Variants in PREX2 observed in about 807,000 individuals in gnomAD.
PREX2 encodes phosphatidylinositol 3,4,5-trisphosphate-dependent Rac exchanger 2 protein.
A neutral mutation model predicts 203.2 loss-of-function variants in PREX2; 107 were observed. The observed-to-expected ratio is 0.53, with a 90% CI of 0.45 to 0.62. The LOEUF is 0.62. Ranked by LOEUF, PREX2 falls within the 20% of genes least tolerant of loss-of-function variation. PREX2 has a pLI of 0.00. For missense variants in PREX2, 1,777 were observed against 1,955.9 expected (o/e 0.91, Z 1.72); for synonymous variants, 672 against 663.6 (o/e 1.01, Z -0.19).
chr8:68,098,651 T>C lies in PREX2; in HGVS notation c.2554-1031T>C, dbSNP rs965433482. Among the ~76,000 whole-genome samples, 3 of 151,996 alleles carry C rather than the reference T, an allele frequency of 2.0e-5. No individual in the cohort carries two copies. The East Asian group carries it at 5.8e-4, about 29-fold the overall frequency. On this transcript the variant is annotated intron_variant, in intron 22 of 39. Coordinates refer to ENST00000288368, the MANE Select transcript of PREX2 (RefSeq NM_024870.4). ...CTATATATGACAGCATATGAACTAG[T>C]ATTACAAATATCACTTGGATTTTAC...
intron 14 of PREX2, among the ~76,000 whole-genome samples, chr8:68,073,505 A>C (rs963237650): frequency 6.6e-6 from 1 of 152,164 alleles, no homozygotes; most frequent in Non-Finnish European, 1.5e-5. Flanking sequence ...TCATCTGTAC[A>C]CACATATTTT....
chr8:67,967,740 CT>C (rs1438918120), intron 1 of PREX2, among the ~76,000 whole-genome samples: 1 of 152,146 alleles, frequency 6.6e-6, no homozygotes, highest in Admixed American at 6.5e-5. Flanking sequence ...GTATGAGGTG[CT>C]TTCATACATT....
At chr8:68,119,081 A>G (rs1810715100) in intron 27 of PREX2, among the ~76,000 whole-genome samples, 1 of 152,224 alleles carries the variant, frequency 6.6e-6, no homozygotes, top group African/African-American at 2.4e-5. Flanking sequence ...TAATTATCTT[A>G]TAAATATATT....
chr8:68,120,524 T>C (rs995538081), intron 29 of PREX2, among the ~76,000 whole-genome samples: 2 of 152,176 alleles, frequency 1.3e-5, no homozygotes, highest in Non-Finnish European at 2.9e-5. Flanking sequence ...GGGGCCAGGC[T>C]GAGCAAAAAT....
intron 36 of PREX2, 109 bp downstream of exon 36, chr8:68,191,897 G>C (rs1812301331): frequency 1.4e-6 from 1 of 718,074 alleles, no homozygotes; most frequent in South Asian, 1.8e-5. Context: ...TTTAATCTAA[G>C]TAGGGAGCTA....
At chr8:68,191,690 C>T (rs1265584989) in intron 35 of PREX2, 32 bp from the exon 36 acceptor site, 2 of 1,502,900 alleles carry the variant, frequency 1.3e-6, no homozygotes, top group South Asian at 1.2e-5. Context: ...TTCCTAACAA[C>T]AAATGATAAT....
At chr8:68,132,977 G>A (rs1191199864) in intron 31 of PREX2, among the ~76,000 whole-genome samples, 3 of 152,130 alleles carry the variant, frequency 2.0e-5, no homozygotes, top group Non-Finnish European at 4.4e-5. Flanking sequence ...GGGTGTATTG[G>A]TCTATTTTCT....
intron 37 of PREX2, among the ~76,000 whole-genome samples, chr8:68,207,459 G>T (rs1812652193): frequency 6.6e-6 from 1 of 152,072 alleles, no homozygotes; most frequent in Admixed American, 6.6e-5. Context: ...CACACATTAG[G>T]AATTCATGTA....
intron 6 of PREX2, among the ~76,000 whole-genome samples, chr8:68,033,229 A>G (rs1807938851): frequency 3.3e-5 from 5 of 152,176 alleles, no homozygotes; most frequent in Admixed American, 3.3e-4. Context: ...TGCAAAACAT[A>G]TGACAGTGAG....
intron 31 of PREX2, among the ~76,000 whole-genome samples, chr8:68,133,636 T>C (rs1162788026): frequency 6.6e-6 from 1 of 152,218 alleles, no homozygotes; most frequent in African/African-American, 2.4e-5. Context: ...TTTAAAATTG[T>C]ATTAATAATA....
intron 1 of PREX2, among the ~76,000 whole-genome samples, chr8:67,981,108 T>C (rs1806255843): frequency 6.6e-6 from 1 of 152,176 alleles, no homozygotes; most frequent in Admixed American, 6.5e-5. Context: ...GAAAGTACAA[T>C]TTAAAGCATA....
chr8:68,101,160 G>A (rs1218780217), intron 23 of PREX2, among the ~76,000 whole-genome samples: 1 of 152,084 alleles, frequency 6.6e-6, no homozygotes, highest in East Asian at 1.9e-4. Context: ...ATGAATATGT[G>A]TTAAGTATAT....
At position 68,126,907 on chromosome 8, in the gene PREX2, CGT is replaced by C. The variant is rs929548671; in HGVS notation, c.3725-462_3725-461del. On this transcript the variant is annotated intron_variant, in intron 30 of 39. Coordinates refer to ENST00000288368, the MANE Select transcript of PREX2 (RefSeq NM_024870.4). ...TGTGTAATATATATATACATATATA[CGT>C]GTGTGTGTATATATATATACACACA... 4.0e-5 allele frequency among the ~76,000 whole-genome samples: 6 copies of C among 150,018 alleles called. No individual in the cohort carries two copies. In the East Asian group the frequency reaches 7.8e-4, roughly 19 times the overall value.
chr8:68,206,619 A>G (rs1354484712), intron 37 of PREX2, among the ~76,000 whole-genome samples: 1 of 152,226 alleles, frequency 6.6e-6, no homozygotes, highest in East Asian at 1.9e-4. Flanking sequence ...TGAATTCAAG[A>G]CTAGGGTTTT....
At chr8:68,076,282 G>A (rs1043257012) in intron 14 of PREX2, among the ~76,000 whole-genome samples, 1 of 151,862 alleles carries the variant, frequency 6.6e-6, no homozygotes, top group Non-Finnish European at 1.5e-5. Context: ...CATGATGAAA[G>A]CCCGTCTCTA....
Position 68,119,488 on chromosome 8 carries a change from A to T in PREX2, c.3478A>T (p.Ser1160Cys). The T allele has an allele frequency of 6.2e-7, 1 of 1,613,730 alleles. No individual in the cohort carries two copies. Among genetic ancestry groups the T allele is most frequent in the African/African-American group, 1.3e-5 (1 of 75,048 alleles). ...TCATGATAAACAGGACAAGATACATAGTTGCCTTGAGCATCTTTTCAGCCA... is the reference window on the plus strand; with the variant it reads ...TCATGATAAACAGGACAAGATACATTGTTGCCTTGAGCATCTTTTCAGCCA... Reference protein sequence around the residue: ...ISHDKQDKIHSCLEHLFSQVD... With the variant: ...ISHDKQDKIHCCLEHLFSQVD... Residue 1160 changes from serine (S) to cysteine (C), a missense_variant, in exon 28 of 40, where the codon AGT becomes TGT. Coordinates refer to ENST00000288368, the MANE Select transcript of PREX2 (RefSeq NM_024870.4).
At chr8:68,028,456 A>G (rs1458301040) in intron 5 of PREX2, among the ~76,000 whole-genome samples, 1 of 152,100 alleles carries the variant, frequency 6.6e-6, no homozygotes, top group Non-Finnish European at 1.5e-5. Flanking sequence ...TTGCTTTTTA[A>G]GAAATAAATG....
At chr8:68,045,473 T>C (rs879841745) in intron 8 of PREX2, among the ~76,000 whole-genome samples, 1 of 152,140 alleles carries the variant, frequency 6.6e-6, no homozygotes, top group Admixed American at 6.6e-5. Context: ...AGAATATTTA[T>C]AATCTGTCAG....
Position 68,087,802 on chromosome 8 carries a change from A to G in PREX2, c.2106A>G (p.Val702=), listed in dbSNP as rs749116071. 3.1e-6 allele frequency: 5 copies of G among 1,610,738 alleles called. No homozygotes were observed. The South Asian group carries it at 5.5e-5, about 18-fold the overall frequency. Residue 702 remains valine (V), a synonymous_variant, in exon 19 of 40, where the codon GTA becomes GTG. Transcript: ENST00000288368. ...RGFGPSVVHA[V]GRGTVAAAAG... Reference sequence around the variant, plus strand: ...TTGGCCCTTCTGTTGTGCATGCTGTAGGAAGAGGTAGGAAATTCGTCTTGC... The same window carrying G: ...TTGGCCCTTCTGTTGTGCATGCTGTGGGAAGAGGTAGGAAATTCGTCTTGC...
Sources: gnomAD v4.1 joint callset for allele counts (sites outside exome capture counted in the v4.1 genomes callset) on GRCh38, gnomAD v4.1.1 for gene constraint, MANE v1.5 for transcripts, NCBI Gene and HGNC (gene_info 2026-07-23, HGNC 2026-07-21) for gene names.